BNC2: variants seen among roughly 807,000 people sequenced by gnomAD.
BNC2 encodes basonuclin zinc finger protein 2, also known as zinc finger protein basonuclin-2.
In BNC2, 20 loss-of-function variants were observed where a neutral mutation model predicts 76.3. The observed-to-expected ratio is 0.26, with a 90% CI of 0.18 to 0.38. The LOEUF is 0.38. Among genes scored for constraint, BNC2 ranks in the 10% least tolerant of loss-of-function variants. The pLI is 1.00. For missense variants in BNC2, 1,382 were observed against 1,399.8 expected (o/e 0.99, Z 0.20); for synonymous variants, 582 against 514.8 (o/e 1.13, Z -1.77).
Position 16,649,276 on chromosome 9 carries a change from C to T in BNC2, c.331-66191G>A, listed in dbSNP as rs907828237. On this transcript the variant is annotated intron_variant, in intron 3 of 6. Coordinates refer to ENST00000380672, the MANE Select transcript of BNC2 (RefSeq NM_017637.6). Reference sequence around the variant, plus strand: ...CTGAACCACCCAGTGTTTTGAGAGGCCAGTGGTCTGCAGCTGACCAATTCT... The same window carrying T: ...CTGAACCACCCAGTGTTTTGAGAGGTCAGTGGTCTGCAGCTGACCAATTCT... Among the ~76,000 whole-genome samples the T allele has an allele frequency of 3.3e-5, 5 of 152,268 alleles. No homozygotes were observed. The East Asian group carries it at 9.7e-4, about 29-fold the overall frequency.
intron 3 of BNC2, among the ~76,000 whole-genome samples, chr9:16,712,638 T>C (rs900535374): frequency 1.3e-5 from 2 of 152,202 alleles, no homozygotes; most frequent in African/African-American, 4.8e-5. Flanking sequence ...GCACAGATTA[T>C]CTCTTCTGAG....
intron 3 of BNC2, among the ~76,000 whole-genome samples, chr9:16,624,435 A>G (rs577424124): frequency 6.6e-6 from 1 of 152,334 alleles, no homozygotes; most frequent in South Asian, 2.1e-4. Flanking sequence ...CACACAACAT[A>G]AAAGTTAATT....
At chr9:16,750,987 T>A (rs1043601396) in intron 1 of BNC2, among the ~76,000 whole-genome samples, 7 of 152,224 alleles carry the variant, frequency 4.6e-5, no homozygotes, top group South Asian at 4.1e-4. Flanking sequence ...TACAGAGTTG[T>A]GTCTTTTTTC....
In BNC2 at chr9:16,491,967, A is replaced by G. The variant is rs142612304; in HGVS notation, c.670-54443T>C. 1.1e-4 allele frequency among the ~76,000 whole-genome samples: 16 copies of G among 152,344 alleles called. No homozygotes were observed. In the East Asian group the frequency reaches 3.1e-3, roughly 29 times the overall value. ...CCGCTTTTACAAATCAATTTAGTCA[A>G]GGATCAGTTATTTTTTCTCAGACCT... On this transcript the variant is annotated intron_variant, in intron 5 of 6. Transcript: ENST00000380672.
chr9:16,556,474 A>G (rs947734372), intron 4 of BNC2, among the ~76,000 whole-genome samples: 1 of 150,678 alleles, frequency 6.6e-6, no homozygotes, highest in African/African-American at 2.4e-5. Context: ...GAAGACTTAA[A>G]AAATATTAAA....
chr9:16,571,325 G>C (rs1431958065), intron 4 of BNC2, among the ~76,000 whole-genome samples: 3 of 152,112 alleles, frequency 2.0e-5, no homozygotes, highest in African/African-American at 7.2e-5. Context: ...TCACATTGTA[G>C]CAAGATTTTG....
chr9:16,762,041 C>T (rs10962573), intron 1 of BNC2, among the ~76,000 whole-genome samples: 70,820 of 151,656 alleles, frequency 0.47, 21,310 homozygotes, highest in Non-Finnish European at 0.69. Context: ...CCAACATCAG[C>T]TTCAGAATGT....
chr9:16,706,195 C>G (rs1013885924), intron 3 of BNC2, among the ~76,000 whole-genome samples: 2 of 152,126 alleles, frequency 1.3e-5, no homozygotes, highest in African/African-American at 4.8e-5. Flanking sequence ...CCCAAAATAC[C>G]CCTTTCTTCT....
At chr9:16,768,620 G>A (rs1478402200) in intron 1 of BNC2, among the ~76,000 whole-genome samples, 1 of 151,630 alleles carries the variant, frequency 6.6e-6, no homozygotes, top group East Asian at 1.9e-4. Flanking sequence ...TGAGGGGGGT[G>A]GAATCCAACC....
intron 3 of BNC2, among the ~76,000 whole-genome samples, chr9:16,617,644 C>T (rs1820748889): frequency 6.6e-6 from 1 of 152,026 alleles, no homozygotes; most frequent in Non-Finnish European, 1.5e-5. Context: ...AATGAAGGGT[C>T]AGGTTCCAGG....
intron 5 of BNC2, among the ~76,000 whole-genome samples, chr9:16,475,814 G>C (rs542099409): frequency 6.6e-6 from 1 of 152,324 alleles, no homozygotes; most frequent in Admixed American, 6.5e-5. Flanking sequence ...AGAGGGCCTA[G>C]CAGCACCGAT....
chr9:16,708,163 G>T (rs556682044), intron 3 of BNC2, among the ~76,000 whole-genome samples: 1 of 152,292 alleles, frequency 6.6e-6, no homozygotes, highest in East Asian at 1.9e-4. Context: ...TTGTAGAAAT[G>T]TTAATTTATT....
chr9:16,457,548 C>A (rs1440309852), intron 5 of BNC2, among the ~76,000 whole-genome samples: 1 of 152,132 alleles, frequency 6.6e-6, no homozygotes, highest in Middle Eastern at 3.2e-3. Context: ...ATTTCTCCAG[C>A]ATTAAATTGT....
At chr9:16,528,534 G>T (rs1049433718) in intron 5 of BNC2, among the ~76,000 whole-genome samples, 1 of 152,182 alleles carries the variant, frequency 6.6e-6, no homozygotes, top group African/African-American at 2.4e-5. Flanking sequence ...CCAGAGTCAT[G>T]ATAGAGTAGC....
intron 5 of BNC2, among the ~76,000 whole-genome samples, chr9:16,472,913 G>C (rs1288864680): frequency 2.0e-5 from 3 of 152,222 alleles, no homozygotes; most frequent in Non-Finnish European, 4.4e-5. Context: ...TGGTACAGAA[G>C]GAAGGTGGAA....
chr9:16,588,035 C>T (rs1292591864), intron 3 of BNC2, among the ~76,000 whole-genome samples: 3 of 152,110 alleles, frequency 2.0e-5, no homozygotes, highest in Non-Finnish European at 2.9e-5. Flanking sequence ...GTTGGGCTTT[C>T]AATGTATAGT....
At chr9:16,589,056 G>GA (rs570484193) in intron 3 of BNC2, among the ~76,000 whole-genome samples, 2 of 152,146 alleles carry the variant, frequency 1.3e-5, no homozygotes, top group South Asian at 2.1e-4. Context: ...AATGAGAGGG[G>GA]AAAAAACTGA....
rs192020199 is a variant in BNC2, at chr9:16,677,788, G to A, written c.330+50009C>T. On this transcript the variant is annotated intron_variant, in intron 3 of 6. Transcript: ENST00000380672. The stretch of plus-strand genomic sequence containing the variant: ...CTAATAACAATTTCATTCTGGTCCA[G>A]GGAAGAGGATAACTCAATGAGTATT... Among the ~76,000 whole-genome samples the A allele has an allele frequency of 3.3e-4, 50 of 152,186 alleles. No individual in the cohort carries two copies. In the East Asian group the frequency reaches 4.4e-3, roughly 14 times the overall value.
At position 16,779,873 on chromosome 9, in the gene BNC2, G is replaced by C. The variant is rs936945461; in HGVS notation, c.4-41388C>G. Among the ~76,000 whole-genome samples the C allele has an allele frequency of 4.6e-5, 7 of 152,200 alleles. 1 individual carries two copies. The highest frequency in any genetic ancestry group is 4.6e-4 in the Admixed American group (7 of 15,282). ...CAGGAAGGTGAAAGCTAAAGGGTAC[G>C]GGTTTCTTTTCTGAGGTAATAAAAA... On this transcript the variant is annotated intron_variant, in intron 1 of 6. Transcript: ENST00000380672.
Sources: gnomAD v4.1 joint callset for allele counts (sites outside exome capture counted in the v4.1 genomes callset) on GRCh38, gnomAD v4.1.1 for gene constraint, MANE v1.5 for transcripts, NCBI Gene and HGNC (gene_info 2026-07-23, HGNC 2026-07-21) for gene names.